The following DNAJC10 variants were observed in gnomAD, a reference collection of about 807,000 sequenced individuals.
DNAJC10 encodes the protein DnaJ heat shock protein family (Hsp40) member C10, also known as endoplasmic reticulum disulfide reductase DNAJC10.
Under a neutral mutation model 115.0 loss-of-function variants are expected in DNAJC10, and 101 were observed. That is an observed-to-expected ratio of 0.88 (90% CI 0.75 to 1.04). The LOEUF (loss-of-function observed/expected upper bound fraction) is 1.04. DNAJC10 is among the 50% of genes least tolerant of loss of function. DNAJC10 has a pLI of 0.00. For missense variants in DNAJC10, 981 were observed against 928.8 expected, an observed-to-expected ratio of 1.06 and a Z score of -0.73; for synonymous variants, 307 against 301.5, an observed-to-expected ratio of 1.02 and a Z score of -0.19.
Position 182,756,375 on chromosome 2 carries a change from A to G in DNAJC10, c.1715A>G (p.Gln572Arg). The change falls in exon 18 of 24, where the codon CAA (glutamine) becomes CGA (arginine). Residue 572 changes from glutamine to arginine, a missense_variant. Physicochemically the swap from Gln to Arg is conservative, Grantham distance 43. Transcript: ENST00000264065. ...ACCACCTTCAACGAACTAGTTACACAAAGAAAACACAACGAAGTCTGGATG... is the reference window on the plus strand; with the variant it reads ...ACCACCTTCAACGAACTAGTTACACGAAGAAAACACAACGAAGTCTGGATG... ...TPTTFNELVT[Q>R]RKHNEVWMVD... The G allele has an allele frequency of 1.2e-6, 2 of 1,614,030 alleles. No homozygotes were observed. Among genetic ancestry groups the G allele is most frequent in the Non-Finnish European group, 1.7e-6 (2 of 1,179,920 alleles).
chr2:182,739,646 CT>C, intron 11 of DNAJC10: 1 of 1,113,128 alleles, frequency 9.0e-7, no homozygotes. Flanking sequence ...TTAGAAGGGC[CT>C]TTTATACTCG....
intron 14 of DNAJC10, among the ~76,000 whole-genome samples, chr2:182,747,546 A>G (rs1693900596): frequency 6.6e-6 from 1 of 151,914 alleles, no homozygotes; most frequent in East Asian, 1.9e-4. Flanking sequence ...TTGTTGGTGT[A>G]TAAGAATGCT....
intron 4 of DNAJC10, 65 bp downstream of exon 4, chr2:182,720,234 T>G (rs1687189495): frequency 7.5e-7 from 1 of 1,325,752 alleles, no homozygotes; most frequent in Non-Finnish European, 1.1e-6. Context: ...TGAATTCTGT[T>G]TCACCACTTA....
rs953610424 is a variant in DNAJC10 at position 182,739,451 on chromosome 2, G to A, written c.988-848G>A. 1.6e-5 allele frequency: 14 copies of A among 894,262 alleles called. No individual in the cohort carries two copies. In the African/African-American group the frequency reaches 1.6e-4, roughly 10 times the overall value. 55.4% of individuals were successfully genotyped at this position (894,262 alleles called of 1,614,324 possible). A position where few individuals can be genotyped will look rare whatever the true frequency, so the allele number is the denominator to read the frequency against. On this transcript the variant is annotated intron_variant, in intron 11 of 23. Transcript: ENST00000264065. Reference sequence around the variant, plus strand: ...AATACTTAAACTGTTAAACATAGATGGTTCATAATTAAAGACATATATTAA... The same window carrying A: ...AATACTTAAACTGTTAAACATAGATAGTTCATAATTAAAGACATATATTAA...
intron 14 of DNAJC10, among the ~76,000 whole-genome samples, chr2:182,751,164 G>A (rs561472729): frequency 8.2e-6 from 1 of 122,022 alleles, no homozygotes; most frequent in African/African-American, 3.5e-5. Context: ...TTGAAATGGA[G>A]TCTCACTCTC....
intron 11 of DNAJC10, among the ~76,000 whole-genome samples, chr2:182,739,218 A>AATATCTCATATATATTTATATATATAT (rs1559006487): frequency 7.6e-5 from 11 of 144,900 alleles, no homozygotes; most frequent in South Asian, 2.2e-4. Flanking sequence ...TTATATATAT[A>AATATCTCATATATATTTATATATATAT]ATATCTCATA....
intron 21 of DNAJC10, among the ~76,000 whole-genome samples, chr2:182,761,386 C>T (rs1694280786): frequency 6.6e-6 from 1 of 152,080 alleles, no homozygotes. Flanking sequence ...TTCTTACTTT[C>T]GGTATGCAAG....
chr2:182,726,147 A>G (rs1331869551), intron 5 of DNAJC10, among the ~76,000 whole-genome samples: 3 of 152,190 alleles, frequency 2.0e-5, no homozygotes, highest in African/African-American at 7.2e-5. Flanking sequence ...TCCAACCTTC[A>G]TGGATGACTT....
At chr2:182,735,738 G>A (rs776675643) in intron 10 of DNAJC10, among the ~76,000 whole-genome samples, 9 of 151,982 alleles carry the variant, frequency 5.9e-5, no homozygotes, top group Non-Finnish European at 1.0e-4. Flanking sequence ...TGTACTTTTC[G>A]TACAGGATTT....
chr2:182,741,228 T>A lies in DNAJC10; in HGVS notation c.1078-15T>A. ...TTCCCATCTCTGACATTTTGTTTTCTTTATCACTTTTAAGGATCGTTTGGC... is the reference window on the plus strand; with the variant it reads ...TTCCCATCTCTGACATTTTGTTTTCATTATCACTTTTAAGGATCGTTTGGC... On this transcript the variant is annotated splice_polypyrimidine_tract_variant and intron_variant, in intron 12 of 23. Coordinates refer to ENST00000264065, the MANE Select transcript of DNAJC10 (RefSeq NM_018981.4). 6.5e-7 allele frequency: 1 copy of A among 1,541,200 alleles called. No individual in the cohort carries two copies. Among genetic ancestry groups the A allele is most frequent in the South Asian group, 1.2e-5 (1 of 84,728 alleles).
Position 182,793,438 on chromosome 2 carries a change from A to T in DNAJC10, c.*16306A>T, listed in dbSNP as rs994881633. ...CAAAATATATTTAACATTTTATTTGAGTGAAGAACAATTCATCCATCAGGC... is the reference window on the plus strand; with the variant it reads ...CAAAATATATTTAACATTTTATTTGTGTGAAGAACAATTCATCCATCAGGC... On this transcript the variant is annotated 3_prime_UTR_variant, in exon 24 of 24. Transcript: ENST00000264065. 5.3e-5 allele frequency: 8 copies of T among 152,342 alleles called. No homozygotes were observed. The East Asian group carries it at 7.7e-4, about 15-fold the overall frequency. The allele number at this position is 152,342 out of a possible 1,614,324, so 9.4% of individuals were successfully genotyped here.
At chr2:182,761,455 C>A (rs1694282720) in intron 21 of DNAJC10, among the ~76,000 whole-genome samples, 1 of 152,120 alleles carries the variant, frequency 6.6e-6, no homozygotes, top group Middle Eastern at 3.2e-3. Context: ...TTTTAGTAAA[C>A]CCCTGCCTTG....
chr2:182,751,513 T>C (rs1694017917), intron 14 of DNAJC10, 145 bp from the exon 15 acceptor site: 2 of 831,554 alleles, frequency 2.4e-6, no homozygotes, highest in Non-Finnish European at 3.7e-6. Context: ...AAGCCCTGTA[T>C]AGTATACAGC....
Position 182,784,639 on chromosome 2 carries a change from A to C in DNAJC10, c.*7507A>C, listed in dbSNP as rs1694914530. The C allele has an allele frequency of 6.6e-6, 1 of 152,054 alleles. No homozygotes were observed. Among genetic ancestry groups the C allele is most frequent in the Admixed American group, 6.6e-5 (1 of 15,264 alleles). The allele number at this position is 152,054 out of a possible 1,614,324, so 9.4% of individuals were successfully genotyped here. A position where few individuals can be genotyped will look rare whatever the true frequency, so the allele number is the denominator to read the frequency against. On this transcript the variant is annotated 3_prime_UTR_variant, in exon 24 of 24. Transcript: ENST00000264065. ...TTTTATGCCTTAAAAATTATAAATA[A>C]TGATAAGTTTAATTTGCAGCCCTTA...
intron 14 of DNAJC10, among the ~76,000 whole-genome samples, chr2:182,749,039 A>C (rs1041466745): frequency 2.6e-5 from 4 of 151,872 alleles, no homozygotes; most frequent in Admixed American, 1.3e-4. Flanking sequence ...TATAATTTCT[A>C]TTCTTTTACA....
In DNAJC10 at chr2:182,793,842, A is replaced by ACACACACG. The variant is rs1695095996; in HGVS notation, c.*16717_*16718insGCACACAC. 1 of 151,142 alleles carries ACACACACG rather than the reference A, an allele frequency of 6.6e-6. No individual in the cohort carries two copies. The highest frequency in any genetic ancestry group is 1.5e-5 in the Non-Finnish European group (1 of 67,826). 9.4% of individuals were successfully genotyped at this position (151,142 alleles called of 1,614,324 possible). A position where few individuals can be genotyped will look rare whatever the true frequency, so the allele number is the denominator to read the frequency against. ...ACATCACACACACACACACACACAC[A>ACACACACG]CACACACACACACACACACACACTA... On this transcript the variant is annotated 3_prime_UTR_variant, in exon 24 of 24. Transcript: ENST00000264065.
chr2:182,748,120 G>T (rs1693918211), intron 14 of DNAJC10, among the ~76,000 whole-genome samples: 1 of 147,574 alleles, frequency 6.8e-6, no homozygotes, highest in Non-Finnish European at 1.5e-5. Flanking sequence ...TGTGCTGCTG[G>T]ATTCAGTTTG....
intron 11 of DNAJC10, among the ~76,000 whole-genome samples, chr2:182,739,070 A>G (rs1049423068): frequency 1.3e-5 from 2 of 151,576 alleles, no homozygotes; most frequent in African/African-American, 2.4e-5. Flanking sequence ...TAAAGTGAAT[A>G]AGATGTAGAA....
In DNAJC10 at chr2:182,752,205, A is replaced by G; in HGVS notation, c.1551+17A>G. ...TGTAACATGGTAAGGCAAAGTATCAAAAATTATTCTAATTAATTTTATAAA... is the reference window on the plus strand; with the variant it reads ...TGTAACATGGTAAGGCAAAGTATCAGAAATTATTCTAATTAATTTTATAAA... On this transcript the variant is annotated intron_variant, in intron 16 of 23. Transcript: ENST00000264065. The G allele has an allele frequency of 7.7e-7, 1 of 1,291,562 alleles. No homozygotes were observed. The highest frequency in any genetic ancestry group is 1.8e-5 in the South Asian group (1 of 57,060). 80.0% of individuals were successfully genotyped at this position (1,291,562 alleles called of 1,614,324 possible). A position where few individuals can be genotyped will look rare whatever the true frequency, so the allele number is the denominator to read the frequency against.
Sources: gnomAD v4.1 joint callset for allele counts (sites outside exome capture counted in the v4.1 genomes callset) on GRCh38, gnomAD v4.1.1 for gene constraint, MANE v1.5 for transcripts, NCBI Gene and HGNC (gene_info 2026-07-23, HGNC 2026-07-21) for gene names.